TRPV4: variants seen among roughly 807,000 people sequenced by gnomAD.
TRPV4 encodes transient receptor potential cation channel subfamily V member 4.
Under a neutral mutation model 84.1 loss-of-function variants are expected in TRPV4, and 58 were observed. The ratio of observed to expected loss-of-function variants is 0.69; its 90% CI spans 0.56 to 0.86. The LOEUF (loss-of-function observed/expected upper bound fraction) is 0.86. Ranked by LOEUF, TRPV4 falls within the 40% of genes least tolerant of loss-of-function variation. The pLI, the probability that TRPV4 is intolerant of heterozygous loss-of-function variation, is 0.00. For missense variants in TRPV4, 879 were observed against 1,181.1 expected (o/e 0.74, Z 3.75); for synonymous variants, 489 against 500.9 (o/e 0.98, Z 0.32).
rs905805572 is a variant in TRPV4, at chr12:109,796,373, A to T, written c.1332+152T>A. ...ATGGCAGACACTGTTCTGGGCACTT[A>T]GTTGGCACCTTCTCTTGCATTCAGC... is the stretch of plus-strand genomic sequence containing the variant. On this transcript the variant is annotated intron_variant, in intron 7 of 15. Coordinates refer to ENST00000261740, the MANE Select transcript of TRPV4 (RefSeq NM_021625.5). The surrounding 1 kb of genome is among the most constrained non-coding windows in gnomAD (Gnocchi z 4.2). 7.3e-6 allele frequency: 6 copies of T among 816,690 alleles called. No homozygotes were observed. The East Asian group carries it at 1.6e-4, about 22-fold the overall frequency. 50.6% of individuals were successfully genotyped at this position (816,690 alleles called of 1,614,324 possible).
Position 109,798,452 on chromosome 12 carries a change from G to A in TRPV4, c.1152+162C>T, listed in dbSNP as rs56189635. Among the ~76,000 whole-genome samples, 2 of 152,204 alleles carry A rather than the reference G, an allele frequency of 1.3e-5. No individual in the cohort carries two copies. The highest frequency in any genetic ancestry group is 4.8e-5 in the African/African-American group (2 of 41,452). Reference sequence around the variant, plus strand: ...GCTAAGGAGCTTGGCTGGACACTAGGGAGCCATAGCAGGTTCTTGAGCTGG... The same window carrying A: ...GCTAAGGAGCTTGGCTGGACACTAGAGAGCCATAGCAGGTTCTTGAGCTGG... On this transcript the variant is annotated intron_variant, in intron 6 of 15. Coordinates refer to ENST00000261740, the MANE Select transcript of TRPV4 (RefSeq NM_021625.5). This position sits in a 1 kb window ranked among gnomAD's most constrained non-coding sequence, Gnocchi z 5.0.
chr12:109,789,356 C>T (rs2136447162), intron 12 of TRPV4, among the ~76,000 whole-genome samples: 1 of 152,246 alleles, frequency 6.6e-6, no homozygotes, highest in South Asian at 2.1e-4. Context: ...GTTGGGAAAT[C>T]CTAATGCGGC....
chr12:109,799,995 T>G (rs1890673266), intron 5 of TRPV4, among the ~76,000 whole-genome samples: 2 of 151,924 alleles, frequency 1.3e-5, no homozygotes, highest in African/African-American at 4.8e-5. Context: ...CAAGCTGGAG[T>G]GCAATGGGGA....
Position 109,792,718 on chromosome 12 carries a change from C to A in TRPV4, c.1758G>T (p.Trp586Cys). 6.2e-7 allele frequency: 1 copy of A among 1,614,148 alleles called. No homozygotes were observed. The highest frequency in any genetic ancestry group is 8.5e-7 in the Non-Finnish European group (1 of 1,180,026). The change falls in exon 11 of 16, where the codon TGG becomes TGT. Residue 586 changes from tryptophan (W) to cysteine (C), a missense_variant. Coordinates refer to ENST00000261740, the MANE Select transcript of TRPV4 (RefSeq NM_021625.5). ...AVMVFALVLG[W>C]MNALYFTRGL... ...CACGGGTGAAGTAAAGGGCATTCATCCAGCCCAGGACCAGGGCAAAGACCA... is the reference window on the plus strand; with the variant it reads ...CACGGGTGAAGTAAAGGGCATTCATACAGCCCAGGACCAGGGCAAAGACCA...
intron 2 of TRPV4, among the ~76,000 whole-genome samples, chr12:109,809,580 A>G (rs1277963884): frequency 6.8e-6 from 1 of 147,492 alleles, no homozygotes; most frequent in Admixed American, 6.8e-5. Flanking sequence ...CTGCCCATCC[A>G]TCCACTCACC....
chr12:109,794,269 A>G, intron 8 of TRPV4, 60 bp downstream of exon 8: 1 of 1,595,466 alleles, frequency 6.3e-7, no homozygotes, highest in Non-Finnish European at 8.5e-7. Flanking sequence ...GTTGTGCCCC[A>G]GTCCTGCATG....
chr12:109,788,164 CA>C (rs1889810544), intron 13 of TRPV4, among the ~76,000 whole-genome samples: 1 of 152,330 alleles, frequency 6.6e-6, no homozygotes, highest in South Asian at 2.1e-4. Context: ...AGCTGGACCA[CA>C]AGGAGAATCT....
chr12:109,827,118 G>C (rs1284810111), intron 1 of TRPV4, among the ~76,000 whole-genome samples: 1 of 152,210 alleles, frequency 6.6e-6, no homozygotes, highest in Non-Finnish European at 1.5e-5. Context: ...GCGAACCTCT[G>C]CCCAGCTAAC....
chr12:109,832,118 T>C (rs1056651383), intron 1 of TRPV4, among the ~76,000 whole-genome samples: 2 of 152,068 alleles, frequency 1.3e-5, no homozygotes, highest in African/African-American at 4.8e-5. Flanking sequence ...ACCCCAGTAT[T>C]ACAGAGGAGA....
rs939961741 is a variant in TRPV4 at position 109,786,650 on chromosome 12, G to A, written c.2336+60C>T. The A allele has an allele frequency of 1.2e-6, 2 of 1,605,856 alleles. No individual in the cohort carries two copies. Among genetic ancestry groups the A allele is most frequent in the African/African-American group, 1.3e-5 (1 of 74,732 alleles). On this transcript the variant is annotated intron_variant, in intron 14 of 15. Coordinates refer to ENST00000261740, the MANE Select transcript of TRPV4 (RefSeq NM_021625.5). This position sits in a 1 kb window ranked among gnomAD's most constrained non-coding sequence, Gnocchi z 4.5. ...GGTAGACGACGCTGGAGCAGCAGGG[G>A]CCCCGAGCCAGTGGGGACAGTTCCG...
At chr12:109,790,629 T>G (rs1297008611) in intron 12 of TRPV4, among the ~76,000 whole-genome samples, 20 of 151,870 alleles carry the variant, frequency 1.3e-4, no homozygotes, top group Non-Finnish European at 1.5e-5. Flanking sequence ...GCGCCTATAA[T>G]CCTGCACTTT....
rs1217282708 is a variant in TRPV4 at position 109,815,321 on chromosome 12, C to A, written c.-31-494G>T. 6.6e-6 allele frequency among the ~76,000 whole-genome samples: 1 copy of A among 152,260 alleles called. No individual in the cohort carries two copies. The highest frequency in any genetic ancestry group is 2.4e-5 in the African/African-American group (1 of 41,474). Reference sequence around the variant, plus strand: ...TCCAGTGGCCAGTGCAGTGCAGTGCCTGGCACGTGGTAAGCACCTGCTAAG... The same window carrying A: ...TCCAGTGGCCAGTGCAGTGCAGTGCATGGCACGTGGTAAGCACCTGCTAAG... On this transcript the variant is annotated intron_variant, in intron 1 of 15. Coordinates refer to ENST00000261740, the MANE Select transcript of TRPV4 (RefSeq NM_021625.5). The surrounding 1 kb of genome is among the most constrained non-coding windows in gnomAD (Gnocchi z 4.1).
At chr12:109,785,869 A>AG (rs1889653411) in intron 14 of TRPV4, among the ~76,000 whole-genome samples, 1 of 151,776 alleles carries the variant, frequency 6.6e-6, no homozygotes, top group Admixed American at 6.6e-5. Context: ...CCCCATCTCT[A>AG]CAAAAAAATT....
intron 1 of TRPV4, among the ~76,000 whole-genome samples, chr12:109,818,868 G>A (rs552209665): frequency 1.2e-4 from 19 of 152,128 alleles, no homozygotes; most frequent in Non-Finnish European, 2.5e-4. Flanking sequence ...AATCCACCAA[G>A]CCCCTCTCTC....
At position 109,798,684 on chromosome 12, in the gene TRPV4, T is replaced by C; in HGVS notation, c.1082A>G (p.Asn361Ser). ...GTCGTTGTTGAGCACGGCCTCCAGG[T>C]TGCTGTCGGGGAAGAGGCGGGCACA... ...LKCARLFPDS[N>S]LEAVLNNDGL... The change falls in exon 6 of 16, where the codon AAC becomes AGC. Residue 361 changes from asparagine to serine, a missense_variant. By Grantham distance (46) the Asn-to-Ser change is conservative. This residue lies in a region of TRPV4 where 521 missense variants were observed against 686.6 expected (regional missense o/e 0.76). Coordinates refer to ENST00000261740, the MANE Select transcript of TRPV4 (RefSeq NM_021625.5). The surrounding 1 kb of genome is among the most constrained non-coding windows in gnomAD (Gnocchi z 5.0). The C allele has an allele frequency of 6.2e-7, 1 of 1,613,802 alleles. No individual in the cohort carries two copies. Among genetic ancestry groups the C allele is most frequent in the South Asian group, 1.1e-5 (1 of 91,078 alleles).
At chr12:109,807,106 G>A (rs1239657419) in intron 3 of TRPV4, among the ~76,000 whole-genome samples, 4 of 151,690 alleles carry the variant, frequency 2.6e-5, no homozygotes, top group Non-Finnish European at 5.9e-5. Flanking sequence ...GAGCGACCCC[G>A]TCTCTACTAA....
chr12:109,802,086 G>A (rs1036369065), intron 4 of TRPV4, among the ~76,000 whole-genome samples: 1 of 151,250 alleles, frequency 6.6e-6, no homozygotes, highest in African/African-American at 2.4e-5. Context: ...GCCAGATCCC[G>A]AGTTCATGAT....
chr12:109,794,415 C>T lies in TRPV4; in HGVS notation c.1405G>A (p.Val469Ile), dbSNP rs369637458. ...LRDKWRKFGA[V>I]SFYINVVSYL... is the part of the protein sequence containing the mutation. ...GAGACCACGTTGATGTAGAAGGAGA[C>T]GGCCCCGAACTTGCGCCACTTGTCC... The change falls in exon 8 of 16, where the codon GTC becomes ATC. Residue 469 changes from valine (V) to isoleucine (I), a missense_variant. Around this residue, in one of 4 missense-constraint regions of TRPV4, gnomAD observed 521 missense variants for 686.6 expected, o/e 0.76. Transcript: ENST00000261740. 1.4e-5 allele frequency: 22 copies of T among 1,613,882 alleles called. No individual in the cohort carries two copies. Among genetic ancestry groups the T allele is most frequent in the East Asian group, 8.9e-5 (4 of 44,868 alleles).
intron 3 of TRPV4, among the ~76,000 whole-genome samples, chr12:109,806,873 GAAAAA>G (rs533116934): frequency 2.1e-5 from 2 of 93,726 alleles, no homozygotes; most frequent in African/African-American, 9.1e-5. Context: ...AAAAAAAAAA[GAAAAA>G]AAAAAAAAAA....
Sources: allele counts gnomAD v4.1 joint callset (sites outside exome capture counted in the v4.1 genomes callset), GRCh38; gene constraint gnomAD v4.1.1; regional missense constraint gnomAD v4.1.1; non-coding constraint Gnocchi (gnomAD v3.1); transcripts MANE v1.5; gene names NCBI Gene and HGNC (gene_info 2026-07-23, HGNC 2026-07-21).